The following SLC38A1 variants were observed in gnomAD, a reference collection of about 807,000 sequenced individuals.
The protein encoded by SLC38A1 is solute carrier family 38 member 1.
SLC38A1 carries 18 observed loss-of-function variants against 60.3 expected under a neutral mutation model. The observed-to-expected ratio is 0.30, with a 90% CI of 0.21 to 0.44. The LOEUF (loss-of-function observed/expected upper bound fraction) is 0.44, where lower values mean the gene tolerates loss of function less well. SLC38A1 is among the 20% of genes least tolerant of loss of function. SLC38A1 has a pLI of 1.00. For missense variants in SLC38A1, 448 were observed against 587.2 expected (o/e 0.76, Z 2.45); for synonymous variants, 196 against 212.1 (o/e 0.92, Z 0.66).
At chr12:46,216,460 C>G (rs549617575) in intron 5 of SLC38A1, among the ~76,000 whole-genome samples, 118 of 152,242 alleles carry the variant, frequency 7.8e-4, no homozygotes, top group African/African-American at 2.7e-3. Flanking sequence ...AGTGAGGGAC[C>G]AGAGGCTCTC....
intron 2 of SLC38A1, among the ~76,000 whole-genome samples, chr12:46,241,275 T>C (rs574798057): frequency 6.6e-6 from 1 of 152,192 alleles, no homozygotes; most frequent in Non-Finnish European, 1.5e-5. Context: ...CCCAACTAAG[T>C]AATATTTCAA....
intron 5 of SLC38A1, among the ~76,000 whole-genome samples, chr12:46,224,405 G>T (rs999874087): frequency 2.0e-5 from 3 of 152,076 alleles, no homozygotes; most frequent in African/African-American, 7.2e-5. Context: ...GTTAAACAGG[G>T]ATGACAGCCA....
At chr12:46,197,027 T>A (rs1274598651) in intron 16 of SLC38A1, among the ~76,000 whole-genome samples, 2 of 152,236 alleles carry the variant, frequency 1.3e-5, no homozygotes, top group Non-Finnish European at 2.9e-5. Context: ...AGGAGTTACA[T>A]GACTAGAAAT....
intron 1 of SLC38A1, among the ~76,000 whole-genome samples, chr12:46,259,536 C>T (rs1431444520): frequency 1.3e-5 from 2 of 152,098 alleles, no homozygotes; most frequent in Non-Finnish European, 2.9e-5. Flanking sequence ...TATCTGGACA[C>T]TGCATTGCAT....
At chr12:46,211,651 G>A (rs979113481) in intron 5 of SLC38A1, among the ~76,000 whole-genome samples, 1 of 152,134 alleles carries the variant, frequency 6.6e-6, no homozygotes, top group African/African-American at 2.4e-5. Context: ...TTTCAAGCCG[G>A]AGAAAAGTGT....
chr12:46,216,577 G>A (rs1235205074), intron 5 of SLC38A1, among the ~76,000 whole-genome samples: 3 of 152,160 alleles, frequency 2.0e-5, no homozygotes, highest in African/African-American at 4.8e-5. Context: ...CTGGCCAGGC[G>A]CGGTGGCTCA....
intron 16 of SLC38A1, chr12:46,196,398 G>C: frequency 7.5e-7 from 1 of 1,324,636 alleles, no homozygotes; most frequent in Non-Finnish European, 1.0e-6. Flanking sequence ...CCATTTGGAA[G>C]ACCCTACTAC....
intron 5 of SLC38A1, among the ~76,000 whole-genome samples, chr12:46,221,700 A>G (rs538349934): frequency 4.4e-4 from 67 of 152,376 alleles, no homozygotes; most frequent in Non-Finnish European, 8.4e-4. Flanking sequence ...CGGGAGGAAG[A>G]TGATTTCAAC....
rs1442014663 is a variant in SLC38A1 at position 46,234,603 on chromosome 12, G to A, written c.123-4964C>T. ...GCTGGGACCACAGGCGCCCGCCACC[G>A]TACCCGGCTAATTTTTTGTATTTTT... On this transcript the variant is annotated intron_variant, in intron 3 of 16. Transcript: ENST00000398637. Among the ~76,000 whole-genome samples the A allele has an allele frequency of 1.4e-4, 22 of 151,850 alleles. No homozygotes were observed. In the South Asian group the frequency reaches 1.5e-3, roughly 10 times the overall value.
At chr12:46,260,987 C>T (rs1942178614) in intron 1 of SLC38A1, among the ~76,000 whole-genome samples, 1 of 152,170 alleles carries the variant, frequency 6.6e-6, no homozygotes, top group Admixed American at 6.5e-5. Flanking sequence ...TCTAGAACCT[C>T]AGACAGCTTT....
chr12:46,201,016 C>T lies in SLC38A1; in HGVS notation c.1003+82G>A, dbSNP rs1939632379. ...TAGCTTTGTTGCTTTCTTTGCCTTT[C>T]ATGTTAAAAGTTATTTCAACACTAA... On this transcript the variant is annotated intron_variant, in intron 13 of 16. Transcript: ENST00000398637. 3.9e-6 allele frequency: 4 copies of T among 1,014,696 alleles called. No homozygotes were observed. The Admixed American group carries it at 9.4e-5, about 24-fold the overall frequency. The allele number at this position is 1,014,696 out of a possible 1,614,324, so 62.9% of individuals were successfully genotyped here.
chr12:46,210,318 G>A (rs1237899684), intron 5 of SLC38A1, among the ~76,000 whole-genome samples: 3 of 152,222 alleles, frequency 2.0e-5, no homozygotes, highest in African/African-American at 7.2e-5. Flanking sequence ...ATGGTCAACA[G>A]CAGAACAGAT....
intron 13 of SLC38A1, among the ~76,000 whole-genome samples, chr12:46,199,307 TTGTGTGTGTG>T (rs71067986): frequency 0.036 from 4,552 of 125,244 alleles, 155 homozygotes; most frequent in African/African-American, 0.093. Flanking sequence ...ATGTACTACT[TTGTGTGTGTG>T]TGTGTGTGTG....
chr12:46,216,407 C>T (rs1940414236), intron 5 of SLC38A1, among the ~76,000 whole-genome samples: 1 of 152,048 alleles, frequency 6.6e-6, no homozygotes, highest in African/African-American at 2.4e-5. Context: ...AGTGTGACAG[C>T]CAGCCAGTGG....
chr12:46,255,102 A>G (rs769521934), intron 1 of SLC38A1, among the ~76,000 whole-genome samples: 8 of 152,216 alleles, frequency 5.3e-5, no homozygotes, highest in East Asian at 1.9e-4. Context: ...TAATGTCACA[A>G]TTTCCAAAGT....
chr12:46,252,215 A>T (rs2138711601), intron 1 of SLC38A1, among the ~76,000 whole-genome samples: 1 of 152,304 alleles, frequency 6.6e-6, no homozygotes, highest in African/African-American at 2.4e-5. Flanking sequence ...GGAAACCATC[A>T]TTCTCAGCAA....
At chr12:46,252,238 A>G (rs1287161132) in intron 1 of SLC38A1, among the ~76,000 whole-genome samples, 1 of 152,182 alleles carries the variant, frequency 6.6e-6, no homozygotes, top group Non-Finnish European at 1.5e-5. Context: ...TCTCACAAGG[A>G]CAGAAAATCA....
chr12:46,223,348 A>T (rs866129445), intron 5 of SLC38A1, among the ~76,000 whole-genome samples: 9 of 152,160 alleles, frequency 5.9e-5, no homozygotes, highest in Non-Finnish European at 1.2e-4. Context: ...GCCATTATTT[A>T]GTGACTACCT....
intron 1 of SLC38A1, among the ~76,000 whole-genome samples, chr12:46,245,170 C>T (rs547324535): frequency 2.0e-5 from 3 of 152,260 alleles, no homozygotes; most frequent in African/African-American, 4.8e-5. Context: ...ACATATCTTG[C>T]CACATACACT....
Sources: gnomAD v4.1 joint callset for allele counts (sites outside exome capture counted in the v4.1 genomes callset) on GRCh38, gnomAD v4.1.1 for gene constraint, MANE v1.5 for transcripts, NCBI Gene and HGNC (gene_info 2026-07-23, HGNC 2026-07-21) for gene names.